The following PDE4D variants were observed in gnomAD, a reference collection of about 807,000 sequenced individuals.
PDE4D encodes phosphodiesterase 4D.
Under a neutral mutation model 87.4 loss-of-function variants are expected in PDE4D, and 24 were observed. The observed-to-expected ratio is 0.27, with a 90% CI of 0.20 to 0.39. PDE4D has a LOEUF of 0.39. PDE4D is among the 10% of genes least tolerant of loss of function. The pLI is 1.00. For synonymous variants in PDE4D, 384 were observed against 383.2 expected (o/e 1.00, Z -0.02); for missense variants, 714 against 1,041.0 (o/e 0.69, Z 4.32).
intron 1 of PDE4D, among the ~76,000 whole-genome samples, chr5:59,228,435 A>G (rs1754330790): frequency 8.5e-6 from 1 of 117,020 alleles, no homozygotes; most frequent in Admixed American, 8.4e-5. Context: ...ATTAACAACA[A>G]CAACAAAAAA....
In PDE4D at chr5:58,990,875, G is replaced by C. The variant is rs552984282; in HGVS notation, c.1216C>G (p.Leu406Val). 1 of 1,595,362 alleles carries C rather than the reference G, an allele frequency of 6.3e-7. No individual in the cohort carries two copies. The highest frequency in any genetic ancestry group is 2.2e-5 in the East Asian group (1 of 44,462). ...KELEDVNKWGLHVFRIAELSG... is the reference protein window; with the variant it reads ...KELEDVNKWGVHVFRIAELSG... Reference sequence around the variant, plus strand: ...AACTCTGCTATTCTGAAAACATGAAGACCCCATTTGTTCACATCTTCTAGT... The same window carrying C: ...AACTCTGCTATTCTGAAAACATGAACACCCCATTTGTTCACATCTTCTAGT... The change falls in exon 9 of 15, where the codon CTT (leucine) becomes GTT (valine). Residue 406 changes from leucine (L) to valine (V), a missense_variant. Coordinates refer to ENST00000340635, the MANE Select transcript of PDE4D (RefSeq NM_001104631.2).
chr5:60,044,443 C>G (rs1309316400), intron 2 of PDE4D, among the ~76,000 whole-genome samples: 2 of 151,912 alleles, frequency 1.3e-5, no homozygotes, highest in Non-Finnish European at 2.9e-5. Flanking sequence ...ATACATGTGC[C>G]ATGCTGGTGT....
intron 2 of PDE4D, among the ~76,000 whole-genome samples, chr5:60,087,869 A>G (rs1774703598): frequency 1.3e-5 from 2 of 152,144 alleles, no homozygotes; most frequent in Admixed American, 1.3e-4. Context: ...TGAAATCTGG[A>G]GAAAACCAAC....
intron 1 of PDE4D, among the ~76,000 whole-genome samples, chr5:59,574,140 ATATAAATATATATTTATATATAT>A (rs1561242296): frequency 2.5e-4 from 1 of 4,070 alleles, no homozygotes; most frequent in African/African-American, 4.7e-4. Context: ...ATATATATAT[ATATAAATATATATTTATATATAT>A]ATATATATAA....
chr5:60,231,054 A>T (rs1472413791), intron 1 of PDE4D, among the ~76,000 whole-genome samples: 1 of 152,084 alleles, frequency 6.6e-6, no homozygotes, highest in Non-Finnish European at 1.5e-5. Flanking sequence ...GTGTTCACGC[A>T]TAAAAGAAAA....
chr5:60,232,444 C>T (rs1187034779), intron 1 of PDE4D, among the ~76,000 whole-genome samples: 2 of 151,854 alleles, frequency 1.3e-5, no homozygotes, highest in Non-Finnish European at 2.9e-5. Context: ...AATAATTCTC[C>T]TGGCACTGCA....
At chr5:59,416,780 G>A (rs1188853869) in intron 1 of PDE4D, among the ~76,000 whole-genome samples, 1 of 152,124 alleles carries the variant, frequency 6.6e-6, no homozygotes, top group Non-Finnish European at 1.5e-5. Context: ...AAGCTAAGGG[G>A]TGTAGTGCTT....
chr5:60,182,753 A>G (rs941236179), intron 2 of PDE4D, among the ~76,000 whole-genome samples: 2 of 151,222 alleles, frequency 1.3e-5, no homozygotes, highest in Non-Finnish European at 2.9e-5. Flanking sequence ...GGTGGCGGGC[A>G]CGTGTAGTCC....
At chr5:60,359,024 A>G (rs1475241159) in intron 1 of PDE4D, among the ~76,000 whole-genome samples, 1 of 152,234 alleles carries the variant, frequency 6.6e-6, no homozygotes, top group African/African-American at 2.4e-5. Flanking sequence ...GACAAGGGTG[A>G]AGATATAACC....
intron 1 of PDE4D, among the ~76,000 whole-genome samples, chr5:60,285,585 TA>T (rs1410357135): frequency 2.0e-5 from 3 of 151,822 alleles, no homozygotes; most frequent in Non-Finnish European, 4.4e-5. Flanking sequence ...GTTGAAGAAT[TA>T]AAAAAATGAA....
intron 1 of PDE4D, among the ~76,000 whole-genome samples, chr5:60,218,289 A>C (rs1744103976): frequency 6.6e-6 from 1 of 152,056 alleles, no homozygotes; most frequent in Non-Finnish European, 1.5e-5. Flanking sequence ...TTCTATGAAG[A>C]ACAAGAACAG....
chr5:59,370,209 C>T lies in PDE4D; in HGVS notation c.456-154241G>A, dbSNP rs185736989. 3.1e-4 allele frequency among the ~76,000 whole-genome samples: 47 copies of T among 152,314 alleles called. No homozygotes were observed. The East Asian group carries it at 8.9e-3, about 29-fold the overall frequency. Reference sequence around the variant, plus strand: ...CTCCTACTCTATTCTTCACAGAGCACCCAGAGTGATCCTTTGAAAATGTAT... The same window carrying T: ...CTCCTACTCTATTCTTCACAGAGCATCCAGAGTGATCCTTTGAAAATGTAT... On this transcript the variant is annotated intron_variant, in intron 1 of 14. Coordinates refer to ENST00000340635, the MANE Select transcript of PDE4D (RefSeq NM_001104631.2).
At chr5:59,193,613 G>T (rs1744801373) in intron 2 of PDE4D, 77 bp from the exon 3 acceptor site, 2 of 1,578,434 alleles carry the variant, frequency 1.3e-6, no homozygotes, top group Non-Finnish European at 1.7e-6. Flanking sequence ...TAAACGGCAA[G>T]TTCCACTTTC....
Position 59,480,997 on chromosome 5 carries a change from G to T in PDE4D, c.456-265029C>A, listed in dbSNP as rs148740058. Among the ~76,000 whole-genome samples the T allele has an allele frequency of 3.4e-3, 511 of 152,280 alleles. 8 individuals carry two copies. The highest frequency in any genetic ancestry group is 0.012 in the African/African-American group (482 of 41,564). ...CATGAACTTGGTGACCACTTGCACA[G>T]CAGAATGTTCCTGAAGGCTCTTTGT... On this transcript the variant is annotated intron_variant, in intron 1 of 14. Coordinates refer to ENST00000340635, the MANE Select transcript of PDE4D (RefSeq NM_001104631.2).
chr5:59,991,123 T>A (rs991637845), intron 2 of PDE4D, among the ~76,000 whole-genome samples: 2 of 152,110 alleles, frequency 1.3e-5, no homozygotes, highest in African/African-American at 4.8e-5. Flanking sequence ...CAGCCCTACA[T>A]AAACATTAGA....
intron 1 of PDE4D, among the ~76,000 whole-genome samples, chr5:59,244,390 C>T (rs1342931423): frequency 6.6e-6 from 1 of 151,324 alleles, no homozygotes. Flanking sequence ...AGGGCGACTT[C>T]ATCTCAAAAA....
At chr5:58,977,645 G>A (rs1387992103) in intron 11 of PDE4D, among the ~76,000 whole-genome samples, 17 of 152,148 alleles carry the variant, frequency 1.1e-4, no homozygotes, top group Non-Finnish European at 4.4e-5. Context: ...GAGTTGCCAT[G>A]AGCTCAGCAG....
chr5:59,982,021 C>T (rs916935565), intron 3 of PDE4D, among the ~76,000 whole-genome samples: 2 of 152,144 alleles, frequency 1.3e-5, no homozygotes, highest in African/African-American at 4.8e-5. Flanking sequence ...CTGTGAATAG[C>T]ACACAAATCA....
At chr5:59,344,721 G>A (rs1000594417) in intron 1 of PDE4D, among the ~76,000 whole-genome samples, 8 of 152,068 alleles carry the variant, frequency 5.3e-5, no homozygotes, top group South Asian at 2.1e-4. Flanking sequence ...CAAATTTCAC[G>A]ATGTGAAGTA....
Sources: gnomAD v4.1 joint callset for allele counts (sites outside exome capture counted in the v4.1 genomes callset) on GRCh38, gnomAD v4.1.1 for gene constraint, MANE v1.5 for transcripts, NCBI Gene and HGNC (gene_info 2026-07-23, HGNC 2026-07-21) for gene names.